The following EVC2 variants were observed in gnomAD, a reference collection of about 807,000 sequenced individuals.
EVC2 encodes limbin.
EVC2 carries 148 observed loss-of-function variants against 149.3 expected under a neutral mutation model. That is an observed-to-expected ratio of 0.99 (90% CI 0.87 to 1.14). EVC2 has a LOEUF of 1.14. Among genes scored for constraint, EVC2 ranks in the 50% most tolerant of loss-of-function variants. The probability of loss-of-function intolerance (pLI) is 0.00; values close to 1 mark genes in which losing one functional copy is unlikely to be tolerated. For synonymous variants in EVC2, 776 were observed against 649.9 expected (o/e 1.19, Z -2.95); for missense variants, 1,854 against 1,627.3 (o/e 1.14, Z -2.40).
rs200598574 is a variant in EVC2, at chr4:5,622,746, G to C, written c.2292C>G (p.Leu764=). 5 of 1,614,090 alleles carry C rather than the reference G, an allele frequency of 3.1e-6. No homozygotes were observed. The Admixed American group carries it at 5.0e-5, about 16-fold the overall frequency. ...GGAAGAGCCAGGGCACCCCACGCTT[G>C]AGCAGCTCCTGGGTCATGGCTGAGT... ...LQNSAMTQEL[L]KRGVPWLFLQ... The change falls in exon 14 of 22, where the codon CTC becomes CTG. Residue 764 remains leucine, a synonymous_variant. Transcript: ENST00000344408. This position sits in a 1 kb window ranked among gnomAD's most constrained non-coding sequence, Gnocchi z 5.8.
rs1715787875 is a variant in EVC2 at position 5,622,685 on chromosome 4, C to A, written c.2353G>T (p.Ala785Ser). The stretch of plus-strand genomic sequence containing the variant: ...CCCTCCAGCTGCTCGGCCCGTGCAG[C>A]CATCTCCTTGCCGTGCTCCTCCAGG... ...QILEEHGKEM[A>S]ARAEQLEGEE... is the part of the protein sequence containing the mutation. The change falls in exon 14 of 22, where the codon GCT becomes TCT. Residue 785 changes from alanine (A) to serine (S), a missense_variant. By Grantham distance (99) the Ala-to-Ser change is moderately conservative (BLOSUM62 1). Transcript: ENST00000344408. The surrounding 1 kb of genome is among the most constrained non-coding windows in gnomAD (Gnocchi z 5.8). The A allele has an allele frequency of 1.2e-6, 2 of 1,614,162 alleles. No individual in the cohort carries two copies. The highest frequency in any genetic ancestry group is 1.3e-5 in the African/African-American group (1 of 75,046).
chr4:5,539,047 A>G (rs1266734011), downstream of EVC2, among the ~76,000 whole-genome samples: 1 of 152,186 alleles, frequency 6.6e-6, no homozygotes, highest in Non-Finnish European at 1.5e-5. Flanking sequence ...CTAAATAGAA[A>G]ACCTGATAGA....
downstream of EVC2, among the ~76,000 whole-genome samples, chr4:5,540,473 T>C (rs572827837): frequency 1.3e-5 from 2 of 152,374 alleles, no homozygotes; most frequent in South Asian, 2.1e-4. Context: ...GGTACATCCA[T>C]ACTGCTCTGC....
chr4:5,553,104 C>T (rs1428211943), intron 21 of EVC2, among the ~76,000 whole-genome samples: 1 of 152,156 alleles, frequency 6.6e-6, no homozygotes, highest in African/African-American at 2.4e-5. Context: ...TTAATTAGCT[C>T]ATGGTTCCAC....
Position 5,631,474 on chromosome 4 carries a change from C to T in EVC2, c.1710+319G>A, listed in dbSNP as rs376750989. Among the ~76,000 whole-genome samples, 39 of 152,232 alleles carry T rather than the reference C, an allele frequency of 2.6e-4. No homozygotes were observed. In the South Asian group the frequency reaches 4.4e-3, roughly 17 times the overall value. On this transcript the variant is annotated intron_variant, in intron 11 of 21. Coordinates refer to ENST00000344408, the MANE Select transcript of EVC2 (RefSeq NM_147127.5). ...GCTCATCAAATTTCCATCACACCCT[C>T]GTGGGTGTGGGCATTCTATCACACT...
intron 2 of EVC2, 31 bp downstream of exon 2, chr4:5,697,562 C>G: frequency 1.2e-6 from 2 of 1,612,876 alleles, no homozygotes; most frequent in Non-Finnish European, 1.7e-6. Context: ...ATGCTCAAAA[C>G]AGGGGAACAT....
At chr4:5,665,925 G>C (rs906235329) in intron 7 of EVC2, among the ~76,000 whole-genome samples, 8 of 152,134 alleles carry the variant, frequency 5.3e-5, no homozygotes, top group Non-Finnish European at 8.8e-5. Flanking sequence ...GCACATCACA[G>C]ACACTCAAGA....
downstream of EVC2, among the ~76,000 whole-genome samples, chr4:5,559,680 A>T (rs1721904165): frequency 6.6e-6 from 1 of 152,252 alleles, no homozygotes; most frequent in Non-Finnish European, 1.5e-5. This position sits in a 1 kb window ranked among gnomAD's most constrained non-coding sequence, Gnocchi z 5.0. Context: ...GGGAGACAAC[A>T]GAAAGAGCTC....
chr4:5,686,895 T>C lies in EVC2; in HGVS notation c.707-1416A>G, dbSNP rs1025450329. On this transcript the variant is annotated intron_variant, in intron 5 of 21. Transcript: ENST00000344408. The surrounding 1 kb of genome is among the most constrained non-coding windows in gnomAD (Gnocchi z 5.4). ...TGATTTGGACACTGCCCTCAGGGAATGTAGAGCCCAGTAGGTAGAGCTAAG... is the reference window on the plus strand; with the variant it reads ...TGATTTGGACACTGCCCTCAGGGAACGTAGAGCCCAGTAGGTAGAGCTAAG... Among the ~76,000 whole-genome samples the C allele has an allele frequency of 2.0e-5, 3 of 151,956 alleles. No homozygotes were observed. Among genetic ancestry groups the C allele is most frequent in the Non-Finnish European group, 4.4e-5 (3 of 68,014 alleles).
chr4:5,616,381 C>T (rs991830699), intron 15 of EVC2, among the ~76,000 whole-genome samples: 1 of 151,984 alleles, frequency 6.6e-6, no homozygotes, highest in African/African-American at 2.4e-5. Context: ...AACTCATGTC[C>T]GTGAATGGTC....
exon 22 of EVC2, chr4:5,543,137 T>C: frequency 7.8e-7 from 1 of 1,289,862 alleles, no homozygotes; most frequent in Non-Finnish European, 1.0e-6. Flanking sequence ...GTTCTCATTT[T>C]TCAGACATCC....
chr4:5,668,761 G>A (rs1262288430), intron 7 of EVC2, among the ~76,000 whole-genome samples: 1 of 152,164 alleles, frequency 6.6e-6, no homozygotes, highest in African/African-American at 2.4e-5. Context: ...AGGTAAAGGG[G>A]ATTAACAATT....
In EVC2 at chr4:5,655,198, G is replaced by A. The variant is rs559541857; in HGVS notation, c.1145+7909C>T. On this transcript the variant is annotated intron_variant, in intron 9 of 21. Coordinates refer to ENST00000344408, the MANE Select transcript of EVC2 (RefSeq NM_147127.5). ...ACCCCATAAGAACCCCGTCATGTCA[G>A]GTGCTGCGCAGGAACCTGCCACCTC... Among the ~76,000 whole-genome samples, 78 of 152,298 alleles carry A rather than the reference G, an allele frequency of 5.1e-4. 1 individual carries two copies. Among genetic ancestry groups the A allele is most frequent in the African/African-American group, 1.8e-3 (75 of 41,566 alleles).
chr4:5,653,615 AT>A (rs1374585208), intron 9 of EVC2, among the ~76,000 whole-genome samples: 1 of 152,206 alleles, frequency 6.6e-6, no homozygotes, highest in African/African-American at 2.4e-5. Flanking sequence ...AACTAGGGAA[AT>A]CTGAACAGAC....
chr4:5,546,113 G>A (rs1167957135), intron 21 of EVC2, among the ~76,000 whole-genome samples: 2 of 152,194 alleles, frequency 1.3e-5, no homozygotes, highest in South Asian at 2.1e-4. Flanking sequence ...TACACTGTTG[G>A]TGGGACTGTA....
At chr4:5,697,445 C>G in intron 2 of EVC2, 148 bp downstream of exon 2, 2 of 783,916 alleles carry the variant, frequency 2.6e-6, no homozygotes, top group Non-Finnish European at 4.3e-6. Flanking sequence ...TGCCCTAGTT[C>G]TGTAAGGTCA....
rs76162619 is a variant in EVC2, at chr4:5,633,317, G to C, written c.1471-1285C>G. Among the ~76,000 whole-genome samples, 223 of 152,344 alleles carry C rather than the reference G, an allele frequency of 1.5e-3. No individual in the cohort carries two copies. Among genetic ancestry groups the C allele is most frequent in the African/African-American group, 5.0e-3 (206 of 41,576 alleles). On this transcript the variant is annotated intron_variant, in intron 10 of 21. Transcript: ENST00000344408. The surrounding 1 kb of genome is among the most constrained non-coding windows in gnomAD (Gnocchi z 4.4). ...CCTGATTGCCAGCCTGCAACATCCT[G>C]AGCATAGGTCACAGTGAAGCTGTGC...
chr4:5,597,519 C>A (rs561174122), intron 16 of EVC2, among the ~76,000 whole-genome samples: 257 of 150,020 alleles, frequency 1.7e-3, no homozygotes, highest in Admixed American at 2.6e-3. Flanking sequence ...ATTCAACAAC[C>A]CTTCATGCTA....
intron 16 of EVC2, among the ~76,000 whole-genome samples, chr4:5,587,714 G>T (rs1347727065): frequency 6.6e-6 from 1 of 152,154 alleles, no homozygotes; most frequent in Admixed American, 6.5e-5. Context: ...TCCCTTTTAA[G>T]GGCTCACAAC....
Sources: allele counts gnomAD v4.1 joint callset (sites outside exome capture counted in the v4.1 genomes callset), GRCh38; gene constraint gnomAD v4.1.1; non-coding constraint Gnocchi (gnomAD v3.1); transcripts MANE v1.5; gene names NCBI Gene and HGNC (gene_info 2026-07-23, HGNC 2026-07-21).